ADCY9: variants seen among roughly 807,000 people sequenced by gnomAD.
ADCY9 encodes adenylate cyclase type 9.
A neutral mutation model predicts 101.5 loss-of-function variants in ADCY9; 50 were observed. The observed-to-expected ratio is 0.49, with a 90% CI of 0.39 to 0.62. ADCY9 has a LOEUF of 0.62. Ranked by LOEUF, ADCY9 falls within the 20% of genes least tolerant of loss-of-function variation. The pLI is 0.00. For synonymous variants in ADCY9, 905 were observed against 769.3 expected, an observed-to-expected ratio of 1.18 and a Z score of -2.92; for missense variants, 1,662 against 1,800.4, an observed-to-expected ratio of 0.92 and a Z score of 1.39.
At chr16:3,958,010 G>T (rs1359278532), downstream of ADCY9, among the ~76,000 whole-genome samples, 1 of 152,154 alleles carries the variant, frequency 6.6e-6, no homozygotes, top group Non-Finnish European at 1.5e-5. Context: ...GCAGCTCTCG[G>T]GAGGGCAGCT....
intron 2 of ADCY9, among the ~76,000 whole-genome samples, chr16:4,056,263 G>C (rs893396579): frequency 2.0e-5 from 3 of 152,072 alleles, no homozygotes; most frequent in African/African-American, 7.2e-5. Context: ...GTTGTGTTTT[G>C]TTTTGTTTTT....
Position 3,966,831 on chromosome 16 carries a change from G to A in ADCY9, c.3006C>T (p.Val1002=). ...LVWFLNREFE[V]SYRLHYHGDV... is the part of the protein sequence containing the mutation. ...CTCCGTGGTAGTGGAGGCGGTAGCT[G>A]ACTTCAAATTCGCGATTCAGGAACC... The change falls in exon 11 of 11, where the codon GTC becomes GTT. Residue 1002 remains valine, a synonymous_variant. Transcript: ENST00000294016. 1 of 1,614,222 alleles carries A rather than the reference G, an allele frequency of 6.2e-7. No individual in the cohort carries two copies. Among genetic ancestry groups the A allele is most frequent in the South Asian group, 1.1e-5 (1 of 91,080 alleles).
At chr16:4,050,952 C>T (rs1236800546) in intron 2 of ADCY9, among the ~76,000 whole-genome samples, 1 of 152,140 alleles carries the variant, frequency 6.6e-6, no homozygotes, top group Non-Finnish European at 1.5e-5. Flanking sequence ...GTGGCTCACA[C>T]CTGTCATCCC....
chr16:3,962,380 C>T (rs1327571273), downstream of ADCY9, among the ~76,000 whole-genome samples: 1 of 152,134 alleles, frequency 6.6e-6, no homozygotes, highest in East Asian at 1.9e-4. Flanking sequence ...AAAACTTGTC[C>T]TGCAACCTTA....
At chr16:4,078,890 A>C (rs1340413472) in intron 2 of ADCY9, among the ~76,000 whole-genome samples, 1 of 152,212 alleles carries the variant, frequency 6.6e-6, no homozygotes, top group Non-Finnish European at 1.5e-5. Flanking sequence ...GAAATACAAA[A>C]GGGCAACACA....
chr16:3,983,135 TG>T (rs1427745272), intron 7 of ADCY9, 96 bp downstream of exon 7: 9 of 1,175,372 alleles, frequency 7.7e-6, no homozygotes, highest in Non-Finnish European at 1.1e-5. Flanking sequence ...CAGGGACAGC[TG>T]GCTGGGGACC....
chr16:4,098,163 G>C (rs1335747452), intron 2 of ADCY9, among the ~76,000 whole-genome samples: 1 of 152,024 alleles, frequency 6.6e-6, no homozygotes, highest in East Asian at 1.9e-4. Flanking sequence ...GGGTTTGCTG[G>C]GCTGGGGGAG....
chr16:4,114,639 G>A lies in ADCY9; in HGVS notation c.804C>T (p.Cys268=), dbSNP rs771996435. The change falls in exon 2 of 11, where the codon TGC becomes TGT. Residue 268 remains cysteine, a synonymous_variant. Transcript: ENST00000294016. The surrounding 1 kb of genome is among the most constrained non-coding windows in gnomAD (Gnocchi z 4.3). ...GGGCCCCGGCTCCGGGCGAGGGGAA[G>A]CAGGCTTCATCCCGGAAATGGTAGC... is the stretch of plus-strand genomic sequence containing the variant. ...TFGYHFRDEA[C]FPSPGAGALH... The A allele has an allele frequency of 6.2e-7, 1 of 1,613,530 alleles. No homozygotes were observed. Among genetic ancestry groups the A allele is most frequent in the Admixed American group, 1.7e-5 (1 of 60,024 alleles).
At chr16:4,100,795 AG>A (rs1460676037) in intron 2 of ADCY9, among the ~76,000 whole-genome samples, 2 of 151,994 alleles carry the variant, frequency 1.3e-5, no homozygotes, top group African/African-American at 4.8e-5. Context: ...TAAATGGTAT[AG>A]AAAGGGAAAG....
rs77920824 is a variant in ADCY9 at position 3,957,296 on chromosome 16, A to G, written c.568-3780T>C. 9.7e-3 allele frequency among the ~76,000 whole-genome samples: 1,474 copies of G among 152,366 alleles called. 20 individuals are homozygous for G. Among genetic ancestry groups the G allele is most frequent in the African/African-American group, 0.033 (1,378 of 41,582 alleles). ...CTTCAATGGGGCATCCTGAGGCCAG[A>G]GGAGGCTCCAGGGGTTTTCAGCTCG... On this transcript the variant is annotated intron_variant, in intron 5 of 5. Transcript: ENST00000576936.
At chr16:4,060,552 A>G (rs1233362365) in intron 2 of ADCY9, among the ~76,000 whole-genome samples, 1 of 152,216 alleles carries the variant, frequency 6.6e-6, no homozygotes, top group East Asian at 1.9e-4. Context: ...ACACCTCTGA[A>G]TAATCATTGC....
downstream of ADCY9, among the ~76,000 whole-genome samples, chr16:3,960,182 G>T (rs1287091197): frequency 3.3e-5 from 5 of 152,056 alleles, no homozygotes; most frequent in African/African-American, 1.2e-4. Flanking sequence ...CGTGGATCAG[G>T]GGCACTCTAT....
At chr16:4,057,509 GTC>G (rs1489953956) in intron 2 of ADCY9, among the ~76,000 whole-genome samples, 4 of 152,220 alleles carry the variant, frequency 2.6e-5, no homozygotes, top group African/African-American at 7.2e-5. Context: ...CCACCGTTCT[GTC>G]TCTGTTTCTT....
rs2056118458 is a variant in ADCY9, at chr16:3,979,151, A to C, written c.2644T>G (p.Ser882Ala). ...LVSLPALAVY[S>A]HVTSEYETNI... is the part of the protein sequence containing the mutation. ...GTCTCATATTCGGAGGTGACATGGG[A>C]GTAGACGGCCAGTGCGGGAAGCGAC... The change falls in exon 8 of 11, where the codon TCC (serine) becomes GCC (alanine). Residue 882 changes from serine (S) to alanine (A), a missense_variant. By Grantham distance (99) the Ser-to-Ala change is moderately conservative. This residue lies in a region of ADCY9 where 624 missense variants were observed against 639.1 expected (regional missense o/e 0.98). Coordinates refer to ENST00000294016, the MANE Select transcript of ADCY9 (RefSeq NM_001116.4). 2 of 1,614,092 alleles carry C rather than the reference A, an allele frequency of 1.2e-6. No individual in the cohort carries two copies. The highest frequency in any genetic ancestry group is 1.7e-6 in the Non-Finnish European group (2 of 1,180,044).
intron 2 of ADCY9, among the ~76,000 whole-genome samples, chr16:4,045,541 G>C (rs891504109): frequency 2.1e-5 from 3 of 140,290 alleles, no homozygotes; most frequent in African/African-American, 5.3e-5. Context: ...GTTGCAGTGA[G>C]CTGAGATCGG....
intron 2 of ADCY9, among the ~76,000 whole-genome samples, chr16:4,107,752 G>A (rs1423166261): frequency 6.6e-6 from 1 of 152,080 alleles, no homozygotes; most frequent in Admixed American, 6.5e-5. Flanking sequence ...CTAGGGTTCT[G>A]TCAGCTGGCA....
intron 2 of ADCY9, among the ~76,000 whole-genome samples, chr16:4,112,092 CCA>C (rs760751532): frequency 4.3e-4 from 65 of 152,288 alleles, no homozygotes; most frequent in African/African-American, 1.5e-3. Flanking sequence ...CTCCACCGTC[CCA>C]CAGTCTCCAA....
In ADCY9 at chr16:3,977,585, A is replaced by G. The variant is rs1457319401; in HGVS notation, c.2725T>C (p.Tyr909His). ...GAGCTGAGCTGGCAGAAGTTACAGT[A>G]GTGCACGACGGCAATCAGCGCGGCC... ...GSAALIAVVH[Y>H]CNFCQLSSWM... Residue 909 changes from tyrosine to histidine, a missense_variant, in exon 9 of 11, where the codon TAC (tyrosine) becomes CAC (histidine). By Grantham distance (83) the Tyr-to-His change is moderately conservative. Coordinates refer to ENST00000294016, the MANE Select transcript of ADCY9 (RefSeq NM_001116.4). 2.5e-6 allele frequency: 4 copies of G among 1,612,154 alleles called. No individual in the cohort carries two copies. Among genetic ancestry groups the G allele is most frequent in the Non-Finnish European group, 3.4e-6 (4 of 1,179,568 alleles).
At chr16:4,001,006 C>CACACACACACAT (rs1195273357) in intron 3 of ADCY9, among the ~76,000 whole-genome samples, 13 of 147,252 alleles carry the variant, frequency 8.8e-5, no homozygotes, top group African/African-American at 3.2e-4. Flanking sequence ...CACACACACA[C>CACACACACACAT]ACATATATAA....
Sources: gnomAD v4.1 joint callset for allele counts (sites outside exome capture counted in the v4.1 genomes callset) on GRCh38, gnomAD v4.1.1 for gene constraint, gnomAD v4.1.1 regional missense constraint, Gnocchi (gnomAD v3.1) non-coding constraint, MANE v1.5 for transcripts, NCBI Gene and HGNC (gene_info 2026-07-23, HGNC 2026-07-21) for gene names.